Variants in LRP1 observed in about 807,000 individuals in gnomAD.
LRP1 encodes LDL receptor related protein 1.
LRP1 carries 51 observed loss-of-function variants against 541.5 expected under a neutral mutation model. That is an observed-to-expected ratio of 0.09 (90% CI 0.08 to 0.12). The LOEUF (loss-of-function observed/expected upper bound fraction) is 0.12. Ranked by LOEUF, LRP1 falls within the 10% of genes least tolerant of loss-of-function variation. The pLI is 1.00. For synonymous variants in LRP1, 2,219 were observed against 2,470.8 expected, an observed-to-expected ratio of 0.90 and a Z score of 3.02; for missense variants, 3,878 against 6,376.2, an observed-to-expected ratio of 0.61 and a Z score of 13.34.
rs755480423 is a variant in LRP1 at position 57,204,651 on chromosome 12, G to A, written c.11096G>A (p.Arg3699Gln). 1.9e-6 allele frequency: 3 copies of A among 1,613,840 alleles called. No individual in the cohort carries two copies. The highest frequency in any genetic ancestry group is 2.7e-5 in the African/African-American group (2 of 74,906). ...ECARFVCPPN[R>Q]PFRCKNDRVC... ...GCCCGGTTCGTGTGCCCTCCCAACCGGCCCTTCCGTTGCAAGAATGACCGC... is the reference window on the plus strand; with the variant it reads ...GCCCGGTTCGTGTGCCCTCCCAACCAGCCCTTCCGTTGCAAGAATGACCGC... The change falls in exon 72 of 89, where the codon CGG (arginine) becomes CAG (glutamine). Residue 3699 changes from arginine (R) to glutamine (Q), a missense_variant. By Grantham distance (43) the Arg-to-Gln change is conservative. Coordinates refer to ENST00000243077, the MANE Select transcript of LRP1 (RefSeq NM_002332.3). This position sits in a 1 kb window ranked among gnomAD's most constrained non-coding sequence, Gnocchi z 5.3.
chr12:57,143,610 A>G (rs1357097805), intron 3 of LRP1, 69 bp from the exon 4 acceptor site: 1 of 1,557,488 alleles, frequency 6.4e-7, no homozygotes, highest in East Asian at 2.3e-5. Context: ...GGTTTAGGGG[A>G]AGGTTGTGGC....
chr12:57,210,358 T>C lies in LRP1; in HGVS notation c.12632T>C (p.Phe4211Ser). Residue 4211 changes from phenylalanine (F) to serine (S), a missense_variant, in exon 82 of 89, where the codon TTC (phenylalanine) becomes TCC (serine). This residue lies in a region of LRP1 where 871 missense variants were observed against 1,212.4 expected (regional missense o/e 0.72). Transcript: ENST00000243077. ...NLQCFNGGSC[F>S]LNARRQPKCR... is the part of the protein sequence containing the mutation. ...CAGTGCTTCAACGGTGGCAGCTGTT[T>C]CCTCAATGCACGGAGGCAGCCCAAG... is the stretch of plus-strand genomic sequence containing the variant. 6.3e-7 allele frequency: 1 copy of C among 1,597,044 alleles called. No individual in the cohort carries two copies. The highest frequency in any genetic ancestry group is 8.5e-7 in the Non-Finnish European group (1 of 1,171,304).
chr12:57,145,497 C>A lies in LRP1; in HGVS notation c.841+7C>A, dbSNP rs938910804. The A allele has an allele frequency of 6.2e-7, 1 of 1,611,414 alleles. No individual in the cohort carries two copies. The highest frequency in any genetic ancestry group is 8.5e-7 in the Non-Finnish European group (1 of 1,178,802). On this transcript the variant is annotated splice_region_variant and intron_variant, in intron 6 of 88. Coordinates refer to ENST00000243077, the MANE Select transcript of LRP1 (RefSeq NM_002332.3). ...ATCTCCCTCAGTCTGCACCGTGAGT[C>A]ACCTGCTCTCAGCTTGGAGGGCTGG...
chr12:57,177,178 C>T lies in LRP1; in HGVS notation c.4129C>T (p.Leu1377Phe). ...CGAGGTGGCCAAGCTGGATGGGACCCTCCGGACCACCCTGCTGGCCGGTGA... is the reference window on the plus strand; with the variant it reads ...CGAGGTGGCCAAGCTGGATGGGACCTTCCGGACCACCCTGCTGGCCGGTGA... ...QIEVAKLDGT[L>F]RTTLLAGDIE... Residue 1377 changes from leucine (L) to phenylalanine (F), a missense_variant, in exon 25 of 89, where the codon CTC becomes TTC. Physicochemically the swap from Leu to Phe is conservative, Grantham distance 22. Transcript: ENST00000243077. The surrounding 1 kb of genome is among the most constrained non-coding windows in gnomAD (Gnocchi z 6.8). 6.2e-7 allele frequency: 1 copy of T among 1,614,238 alleles called. No homozygotes were observed. The highest frequency in any genetic ancestry group is 8.5e-7 in the Non-Finnish European group (1 of 1,180,042).
chr12:57,200,300 T>A, intron 62 of LRP1, 142 bp from the exon 63 acceptor site: 1 of 680,036 alleles, frequency 1.5e-6, no homozygotes, highest in South Asian at 1.8e-5. Flanking sequence ...ACCTGGCCTT[T>A]CCGAACTCAC....
At chr12:57,202,615 C>G in intron 68 of LRP1, 78 bp downstream of exon 68, 1 of 1,190,084 alleles carries the variant, frequency 8.4e-7, no homozygotes, top group Non-Finnish European at 1.2e-6. Flanking sequence ...TGCCACAGGC[C>G]GCGCCAGAGC....
At chr12:57,152,746 A>G (rs1412685260) in intron 6 of LRP1, among the ~76,000 whole-genome samples, 1 of 152,152 alleles carries the variant, frequency 6.6e-6, no homozygotes, top group Admixed American at 6.5e-5. Flanking sequence ...CTTGTTCTCC[A>G]GGCATTGGGA....
rs373332583 is a variant in LRP1, at chr12:57,141,496, G to A, written c.313G>A (p.Gly105Arg). The change falls in exon 3 of 89, where the codon GGG (glycine) becomes AGG (arginine). Residue 105 changes from glycine to arginine, a missense_variant. Physicochemically the swap from Gly to Arg is moderately radical, Grantham distance 125. This residue lies in a region of LRP1 where 293 missense variants were observed against 403.7 expected (regional missense o/e 0.73). Coordinates refer to ENST00000243077, the MANE Select transcript of LRP1 (RefSeq NM_002332.3). ...VQDCMDGSDE[G>R]PHCRELQGNC... is the part of the protein sequence containing the mutation. Reference sequence around the variant, plus strand: ...GGACTGCATGGACGGCTCAGATGAGGGGCCCCACTGCCGAGGTAAGGACTT... The same window carrying A: ...GGACTGCATGGACGGCTCAGATGAGAGGCCCCACTGCCGAGGTAAGGACTT... 51 of 1,614,078 alleles carry A rather than the reference G, an allele frequency of 3.2e-5. No homozygotes were observed. Among genetic ancestry groups the A allele is most frequent in the Non-Finnish European group, 4.1e-5 (48 of 1,180,048 alleles).
intron 12 of LRP1, 36 bp from the exon 13 acceptor site, chr12:57,160,857 G>T: frequency 6.4e-7 from 1 of 1,551,628 alleles, no homozygotes; most frequent in South Asian, 1.1e-5. Flanking sequence ...TGATGGCGGG[G>T]GTGCCCAGGT....
rs1407072439 is a variant in LRP1, at chr12:57,162,086, T to C, written c.2203-231T>C. ...GGAATGAGCCCAGGAGAGGACCATA[T>C]GGACAACCTCACCATCAGCATCCTT... On this transcript the variant is annotated intron_variant, in intron 13 of 88. Transcript: ENST00000243077. This position sits in a 1 kb window ranked among gnomAD's most constrained non-coding sequence, Gnocchi z 5.2. 6.6e-6 allele frequency among the ~76,000 whole-genome samples: 1 copy of C among 152,064 alleles called. No individual in the cohort carries two copies. The highest frequency in any genetic ancestry group is 1.5e-5 in the Non-Finnish European group (1 of 68,010).
At chr12:57,130,928 A>G (rs1382710408) in intron 1 of LRP1, among the ~76,000 whole-genome samples, 1 of 152,084 alleles carries the variant, frequency 6.6e-6, no homozygotes, top group Non-Finnish European at 1.5e-5. Context: ...AACACACACC[A>G]ATATTTCTGC....
At chr12:57,199,119 C>A in intron 60 of LRP1, 93 bp from the exon 61 acceptor site, 1 of 1,182,622 alleles carries the variant, frequency 8.5e-7, no homozygotes, top group Non-Finnish European at 1.2e-6. Flanking sequence ...ACCCACCTCT[C>A]AGGGTGGTGG....
rs375776899 is a variant in LRP1 at position 57,185,545 on chromosome 12, G to A, written c.6478G>A (p.Ala2160Thr). 8.2e-6 allele frequency: 13 copies of A among 1,594,790 alleles called. No homozygotes were observed. Among genetic ancestry groups the A allele is most frequent in the Admixed American group, 3.4e-5 (2 of 59,468 alleles). Residue 2160 changes from alanine (A) to threonine (T), a missense_variant, in exon 41 of 89, where the codon GCG (alanine) becomes ACG (threonine). By Grantham distance (58) the Ala-to-Thr change is moderately conservative. Transcript: ENST00000243077. This position sits in a 1 kb window ranked among gnomAD's most constrained non-coding sequence, Gnocchi z 4.9. Reference sequence around the variant, plus strand: ...CCCTCCCCCAGGCACCAACGTGTGCGCGGTGGCCAATGGCGGGTGCCAGCA... The same window carrying A: ...CCCTCCCCCAGGCACCAACGTGTGCACGGTGGCCAATGGCGGGTGCCAGCA... The part of the protein sequence containing the change: ...RDRQKGTNVC[A>T]VANGGCQQLC...
intron 60 of LRP1, 110 bp from the exon 61 acceptor site, chr12:57,199,102 G>A (rs1187925672): frequency 2.0e-6 from 2 of 977,926 alleles, no homozygotes; most frequent in African/African-American, 1.6e-5. Context: ...CTGTAACTGG[G>A]GCTGACACCC....
chr12:57,209,111 G>T lies in LRP1; in HGVS notation c.12174G>T (p.Arg4058=). 1.9e-6 allele frequency: 3 copies of T among 1,613,922 alleles called. No homozygotes were observed. Among genetic ancestry groups the T allele is most frequent in the Non-Finnish European group, 2.5e-6 (3 of 1,179,802 alleles). The stretch of plus-strand genomic sequence containing the variant: ...TGGCCGTGGATTATCACAATGAGCG[G>T]CTGTACTGGGCAGACGCCAAGCTTT... The part of the protein sequence containing the change: ...TGLAVDYHNE[R]LYWADAKLSV... The change falls in exon 79 of 89, where the codon CGG becomes CGT. Residue 4058 remains arginine (R), a synonymous_variant. Transcript: ENST00000243077.
At chr12:57,195,183 C>G (rs915749878) in intron 51 of LRP1, 82 bp downstream of exon 51, 195 of 1,576,152 alleles carry the variant, frequency 1.2e-4, no homozygotes, top group Non-Finnish European at 1.7e-4. Flanking sequence ...CACAGACACC[C>G]CTGCAGACGA....
intron 3 of LRP1, 59 bp downstream of exon 3, chr12:57,141,570 T>A: frequency 6.2e-7 from 1 of 1,603,872 alleles, no homozygotes; most frequent in Non-Finnish European, 8.5e-7. Flanking sequence ...TCAGCCCACC[T>A]TCCGAGGACT....
rs1369770778 is a variant in LRP1, at chr12:57,154,147, G to T, written c.842-61G>T. Reference sequence around the variant, plus strand: ...CAGGTGTGGGTTCTCACCAGCAAAGGGTGGGCATCTCTGCAAGAGGGCCTA... The same window carrying T: ...CAGGTGTGGGTTCTCACCAGCAAAGTGTGGGCATCTCTGCAAGAGGGCCTA... On this transcript the variant is annotated intron_variant, in intron 6 of 88. Transcript: ENST00000243077. The surrounding 1 kb of genome is among the most constrained non-coding windows in gnomAD (Gnocchi z 4.6). The T allele has an allele frequency of 3.3e-6, 5 of 1,519,680 alleles. No homozygotes were observed. The highest frequency in any genetic ancestry group is 1.4e-5 in the African/African-American group (1 of 73,222). 94.1% of individuals were successfully genotyped at this position (1,519,680 alleles called of 1,614,324 possible).
At position 57,198,807 on chromosome 12, in the gene LRP1, G is replaced by A. The variant is rs576038711; in HGVS notation, c.9676+137G>A. The stretch of plus-strand genomic sequence containing the variant: ...ATGGCCTGAGGACACCACTCACTGG[G>A]GTGTGGGGTTCAGAGCACCCCGGGG... On this transcript the variant is annotated intron_variant, in intron 60 of 88. Coordinates refer to ENST00000243077, the MANE Select transcript of LRP1 (RefSeq NM_002332.3). 13 of 903,558 alleles carry A rather than the reference G, an allele frequency of 1.4e-5. No individual in the cohort carries two copies. The East Asian group carries it at 3.4e-4, about 24-fold the overall frequency. The allele number at this position is 903,558 out of a possible 1,614,324, so 56.0% of individuals were successfully genotyped here.
Sources: gnomAD v4.1 joint callset for allele counts (sites outside exome capture counted in the v4.1 genomes callset) on GRCh38, gnomAD v4.1.1 for gene constraint, gnomAD v4.1.1 regional missense constraint, Gnocchi (gnomAD v3.1) non-coding constraint, MANE v1.5 for transcripts, NCBI Gene and HGNC (gene_info 2026-07-23, HGNC 2026-07-21) for gene names.